Variants in CUL4A observed in about 807,000 individuals in gnomAD.
The protein encoded by CUL4A is cullin 4A.
In CUL4A, 16 loss-of-function variants were observed where a neutral mutation model predicts 95.5. The ratio of observed to expected loss-of-function variants is 0.17; its 90% CI spans 0.11 to 0.25. The LOEUF (loss-of-function observed/expected upper bound fraction) is 0.25. Ranked by LOEUF, CUL4A falls within the 10% of genes least tolerant of loss-of-function variation. The probability of loss-of-function intolerance (pLI) is 1.00; values close to 1 mark genes in which losing one functional copy is unlikely to be tolerated. For missense variants in CUL4A, 610 were observed against 937.0 expected, an observed-to-expected ratio of 0.65 and a Z score of 4.56; for synonymous variants, 380 against 353.1, an observed-to-expected ratio of 1.08 and a Z score of -0.85.
At chr13:113,253,257 T>C (rs1360388098) in intron 16 of CUL4A, 62 bp downstream of exon 16, 1 of 861,752 alleles carries the variant, frequency 1.2e-6, no homozygotes, top group African/African-American at 1.8e-5. Flanking sequence ...ATTTTTTTAT[T>C]GTTACTGGAC....
At chr13:113,212,327 GTTC>G (rs1166635548) in intron 2 of CUL4A, among the ~76,000 whole-genome samples, 1 of 152,174 alleles carries the variant, frequency 6.6e-6, no homozygotes, top group Non-Finnish European at 1.5e-5. Context: ...GTATCAGTTT[GTTC>G]TTCTATGGAT....
chr13:113,244,653 A>G, intron 12 of CUL4A, 139 bp downstream of exon 12: 2 of 685,516 alleles, frequency 2.9e-6, no homozygotes, highest in Non-Finnish European at 5.0e-6. Flanking sequence ...CATCCTTGCT[A>G]ACATGGTGAA....
At chr13:113,254,442 C>T (rs1381831966) in intron 16 of CUL4A, among the ~76,000 whole-genome samples, 1 of 151,904 alleles carries the variant, frequency 6.6e-6, no homozygotes, top group South Asian at 2.1e-4. Context: ...ACTAAAAATA[C>T]AAAAAATTAG....
intron 3 of CUL4A, among the ~76,000 whole-genome samples, chr13:113,222,714 A>C (rs1016591125): frequency 6.6e-6 from 1 of 152,222 alleles, no homozygotes; most frequent in East Asian, 1.9e-4. Context: ...TGGGAGGGCC[A>C]GTTGAGCCCA....
intron 18 of CUL4A, among the ~76,000 whole-genome samples, chr13:113,260,069 TG>T (rs912850083): frequency 6.8e-6 from 1 of 146,672 alleles, no homozygotes; most frequent in African/African-American, 2.5e-5. Flanking sequence ...CCGGGCATGG[TG>T]GGGGGGCACC....
chr13:113,250,112 C>T (rs2041956654), intron 15 of CUL4A, among the ~76,000 whole-genome samples: 1 of 152,104 alleles, frequency 6.6e-6, no homozygotes, highest in South Asian at 2.1e-4. Context: ...TTTATTTTCT[C>T]TTTTGTAACT....
chr13:113,235,008 G>A (rs2041491435), intron 7 of CUL4A, 55 bp from the exon 8 acceptor site: 1 of 1,274,866 alleles, frequency 7.8e-7, no homozygotes, highest in Non-Finnish European at 1.1e-6. Context: ...TCAATTTCTT[G>A]GATAGTGTCG....
intron 2 of CUL4A, among the ~76,000 whole-genome samples, chr13:113,213,817 G>T (rs1437582018): frequency 6.6e-6 from 1 of 152,198 alleles, no homozygotes; most frequent in Non-Finnish European, 1.5e-5. Context: ...CTCTGGAGGT[G>T]CTGCCCCACC....
chr13:113,215,291 G>A (rs1227267557), intron 2 of CUL4A, among the ~76,000 whole-genome samples: 2 of 150,238 alleles, frequency 1.3e-5, no homozygotes, highest in Non-Finnish European at 3.0e-5. Context: ...AGGTCGCTAT[G>A]TGACTATGGA....
At chr13:113,211,633 C>T (rs1433205292) in intron 2 of CUL4A, among the ~76,000 whole-genome samples, 1 of 152,230 alleles carries the variant, frequency 6.6e-6, no homozygotes, top group Non-Finnish European at 1.5e-5. Flanking sequence ...GATCCACCCA[C>T]CTCGGTCTCT....
chr13:113,226,322 T>C (rs1410944545), intron 3 of CUL4A, among the ~76,000 whole-genome samples: 2 of 152,210 alleles, frequency 1.3e-5, no homozygotes, highest in African/African-American at 4.8e-5. Context: ...GTTTGGCCAG[T>C]ATTGTGTTGC....
intron 18 of CUL4A, among the ~76,000 whole-genome samples, chr13:113,258,807 G>T (rs2042197771): frequency 6.6e-6 from 1 of 152,202 alleles, no homozygotes; most frequent in Non-Finnish European, 1.5e-5. Context: ...CTGAAGAAGT[G>T]ACTAGCTTTG....
Position 113,229,497 on chromosome 13 carries a change from A to G in CUL4A, c.490A>G (p.Asn164Asp), listed in dbSNP as rs757114371. The G allele has an allele frequency of 6.2e-7, 1 of 1,613,650 alleles. No individual in the cohort carries two copies. The highest frequency in any genetic ancestry group is 8.5e-7 in the Non-Finnish European group (1 of 1,179,998). ...LFLDRTYVLQNSTLPSIWDMG... is the reference protein window; with the variant it reads ...LFLDRTYVLQDSTLPSIWDMG... ...CTTGGACCGCACCTATGTGCTGCAG[A>G]ACTCCACGCTGCCCTCCATCTGGTG... The change falls in exon 5 of 20, where the codon AAC becomes GAC. Residue 164 changes from asparagine (N) to aspartate (D), a missense_variant. This residue lies in a region of CUL4A where 97 missense variants were observed against 100.3 expected (regional missense o/e 0.97). Transcript: ENST00000375440.
At chr13:113,212,558 A>C (rs1289086006) in intron 2 of CUL4A, among the ~76,000 whole-genome samples, 1 of 152,012 alleles carries the variant, frequency 6.6e-6, no homozygotes, top group Admixed American at 6.6e-5. Context: ...CAAGGTGGGT[A>C]GATCGCCTGA....
rs1168155868 is a variant in CUL4A, at chr13:113,265,774, C to T, written c.*2192C>T. On this transcript the variant is annotated 3_prime_UTR_variant, in exon 20 of 20. Coordinates refer to ENST00000375440, the MANE Select transcript of CUL4A (RefSeq NM_001008895.4). ...TATTTAATGTTTTATTGTTAAAGGTCAGTGTGGTAAAACAAATAGTATAGA... is the reference window on the plus strand; with the variant it reads ...TATTTAATGTTTTATTGTTAAAGGTTAGTGTGGTAAAACAAATAGTATAGA... The T allele has an allele frequency of 6.6e-6, 1 of 152,146 alleles. No homozygotes were observed. The highest frequency in any genetic ancestry group is 1.5e-5 in the Non-Finnish European group (1 of 68,032). 9.4% of individuals were successfully genotyped at this position (152,146 alleles called of 1,614,324 possible).
intron 15 of CUL4A, among the ~76,000 whole-genome samples, chr13:113,246,795 T>C (rs1379506917): frequency 1.3e-5 from 2 of 152,148 alleles, no homozygotes; most frequent in East Asian, 3.9e-4. Context: ...AATCAAAGTT[T>C]TATTTAACAC....
chr13:113,249,227 C>T (rs948459998), intron 15 of CUL4A, among the ~76,000 whole-genome samples: 4 of 151,568 alleles, frequency 2.6e-5, no homozygotes, highest in Non-Finnish European at 4.4e-5. Context: ...CATACATGAG[C>T]GCTTTATTCC....
intron 8 of CUL4A, among the ~76,000 whole-genome samples, chr13:113,235,585 A>G (rs555425036): frequency 1.3e-5 from 2 of 152,206 alleles, no homozygotes; most frequent in Non-Finnish European, 2.9e-5. Context: ...AAAGGGAGAG[A>G]TTATGTGAGC....
intron 15 of CUL4A, among the ~76,000 whole-genome samples, chr13:113,251,122 C>T (rs2041984468): frequency 1.3e-5 from 2 of 152,152 alleles, no homozygotes; most frequent in African/African-American, 4.8e-5. Flanking sequence ...AGCCAGAGGC[C>T]CTGCCCTGTG....
Sources: allele counts gnomAD v4.1 joint callset (sites outside exome capture counted in the v4.1 genomes callset), GRCh38; gene constraint gnomAD v4.1.1; regional missense constraint gnomAD v4.1.1; transcripts MANE v1.5; gene names NCBI Gene and HGNC (gene_info 2026-07-23, HGNC 2026-07-21).